Variants in BRSK2 observed in about 807,000 individuals in gnomAD.
BRSK2 encodes BR serine/threonine kinase 2, also known as serine/threonine-protein kinase BRSK2.
BRSK2 carries 19 observed loss-of-function variants against 83.3 expected under a neutral mutation model. The observed-to-expected ratio is 0.23, with a 90% CI of 0.16 to 0.33. The LOEUF (loss-of-function observed/expected upper bound fraction) is 0.33. BRSK2 is among the 10% of genes least tolerant of loss of function. The probability of loss-of-function intolerance (pLI) is 1.00; values close to 1 mark genes in which losing one functional copy is unlikely to be tolerated. For missense variants in BRSK2, 798 were observed against 1,042.3 expected (o/e 0.77, Z 3.23); for synonymous variants, 519 against 435.4 (o/e 1.19, Z -2.39).
At chr11:1,457,168 C>T (rs1040932051) in intron 18 of BRSK2, 4 of 924,144 alleles carry the variant, frequency 4.3e-6, no homozygotes, top group Non-Finnish European at 6.3e-6. Context: ...CTGGACAGGC[C>T]AAGCATGCCC....
intron 1 of BRSK2, among the ~76,000 whole-genome samples, chr11:1,403,601 C>T (rs1046065016): frequency 6.6e-6 from 1 of 152,220 alleles, no homozygotes; most frequent in Admixed American, 6.5e-5. Context: ...TGATACCCCA[C>T]CTCTGACGGT....
At chr11:1,434,834 G>C (rs942171454) in intron 1 of BRSK2, among the ~76,000 whole-genome samples, 44 of 152,274 alleles carry the variant, frequency 2.9e-4, no homozygotes, top group African/African-American at 1.0e-3. Flanking sequence ...TGCGCCTGAG[G>C]ACCTTTGATG....
intron 12 of BRSK2, among the ~76,000 whole-genome samples, chr11:1,447,130 C>A (rs1207688438): frequency 6.6e-6 from 1 of 152,098 alleles, no homozygotes; most frequent in Non-Finnish European, 1.5e-5. Flanking sequence ...CCCCCAGAAC[C>A]TCCTTCCCAG....
chr11:1,427,633 C>T (rs1269752333), intron 1 of BRSK2, among the ~76,000 whole-genome samples: 1 of 152,258 alleles, frequency 6.6e-6, no homozygotes, highest in Non-Finnish European at 1.5e-5. Context: ...GCACCGCCTG[C>T]CCCCTCAGGG....
intron 12 of BRSK2, among the ~76,000 whole-genome samples, chr11:1,449,157 C>T (rs892279353): frequency 1.2e-4 from 18 of 152,164 alleles, no homozygotes; most frequent in Non-Finnish European, 2.2e-4. Context: ...CCGGGCACGC[C>T]GGGCCAGGGC....
Position 1,445,013 on chromosome 11 carries a change from T to C in BRSK2, c.812+11T>C. ...ACACATATGGTATATGTAAGTAGCT[T>C]TTCCACCCACTAATCGCCTGCTTTG... On this transcript the variant is annotated intron_variant, in intron 9 of 19. Coordinates refer to ENST00000528841, the MANE Select transcript of BRSK2 (RefSeq NM_001256627.2). The C allele has an allele frequency of 6.2e-7, 1 of 1,611,950 alleles. No homozygotes were observed. The highest frequency in any genetic ancestry group is 8.5e-7 in the Non-Finnish European group (1 of 1,178,170).
chr11:1,400,852 G>C (rs1846427132), intron 1 of BRSK2, among the ~76,000 whole-genome samples: 1 of 152,246 alleles, frequency 6.6e-6, no homozygotes, highest in Admixed American at 6.5e-5. Context: ...GTCTAGCCAT[G>C]GCCCTCCCCA....
chr11:1,456,572 A>T, intron 17 of BRSK2, 26 bp from the exon 18 acceptor site: 3 of 1,607,916 alleles, frequency 1.9e-6, no homozygotes, highest in Non-Finnish European at 2.5e-6. Context: ...AGGCCCGTCC[A>T]GGGCATAACC....
At chr11:1,459,377 C>G in intron 19 of BRSK2, 138 bp downstream of exon 19, 1 of 943,232 alleles carries the variant, frequency 1.1e-6, no homozygotes, top group Non-Finnish European at 1.7e-6. Flanking sequence ...CCCAGATGTC[C>G]CCGGCCCCAT....
In BRSK2 at chr11:1,461,184, C is replaced by G. The variant is rs1847458281; in HGVS notation, c.*461C>G. The G allele has an allele frequency of 1.3e-6, 1 of 790,850 alleles. No homozygotes were observed. The highest frequency in any genetic ancestry group is 1.9e-6 in the Non-Finnish European group (1 of 520,602). The allele number at this position is 790,850 out of a possible 1,614,324, so 49.0% of individuals were successfully genotyped here. On this transcript the variant is annotated 3_prime_UTR_variant, in exon 20 of 20. Transcript: ENST00000528841. ...CTCGGGGGAGCCTCCTCCAGCCCGG[C>G]CGACCCGGACTCCCGGTCACCTGAC...
At chr11:1,426,921 C>T (rs531046781) in intron 1 of BRSK2, among the ~76,000 whole-genome samples, 35 of 152,238 alleles carry the variant, frequency 2.3e-4, no homozygotes, top group African/African-American at 6.7e-4. Flanking sequence ...GGTCTGCATG[C>T]GGGAGATGGG....
In BRSK2 at chr11:1,423,807, TG is replaced by T. The variant is rs760580665; in HGVS notation, c.92-12230del. Among the ~76,000 whole-genome samples the T allele has an allele frequency of 1.3e-5, 2 of 150,614 alleles. No homozygotes were observed. The highest frequency in any genetic ancestry group is 6.6e-5 in the Admixed American group (1 of 15,114). On this transcript the variant is annotated intron_variant, in intron 1 of 19. Transcript: ENST00000528841. The surrounding 1 kb of genome is among the most constrained non-coding windows in gnomAD (Gnocchi z 6.5). Reference sequence around the variant, plus strand: ...TCCGGGTGCCCCAGGCCTCCCCCGCTGGGCGTTCCGGGTGCCCCAGGCCTCC... The same window carrying T: ...TCCGGGTGCCCCAGGCCTCCCCCGCTGGCGTTCCGGGTGCCCCAGGCCTCC...
intron 1 of BRSK2, among the ~76,000 whole-genome samples, chr11:1,391,562 T>C (rs1271782642): frequency 6.6e-6 from 1 of 152,076 alleles, no homozygotes; most frequent in African/African-American, 2.4e-5. Flanking sequence ...TCACCTTGGG[T>C]GCACAGCCTT....
chr11:1,459,474 G>A (rs926311436), intron 19 of BRSK2: 9 of 567,760 alleles, frequency 1.6e-5, no homozygotes, highest in Admixed American at 1.5e-4. Flanking sequence ...CCAGGCCCTA[G>A]GATCAGGGCA....
intron 1 of BRSK2, among the ~76,000 whole-genome samples, chr11:1,426,668 C>T (rs1474312164): frequency 1.3e-5 from 2 of 152,278 alleles, no homozygotes; most frequent in South Asian, 2.1e-4. Flanking sequence ...GTGTGACTCT[C>T]ACCTGTGAGG....
chr11:1,441,958 C>A (rs71454092), intron 4 of BRSK2, among the ~76,000 whole-genome samples: 2 of 57,700 alleles, frequency 3.5e-5, no homozygotes, highest in Non-Finnish European at 7.5e-5. Context: ...TGCACCGTCC[C>A]CCCCATTAGC....
chr11:1,391,502 C>T (rs945085012), intron 1 of BRSK2, among the ~76,000 whole-genome samples: 1 of 152,134 alleles, frequency 6.6e-6, no homozygotes, highest in African/African-American at 2.4e-5. Context: ...GATGTAACTA[C>T]GGCAGAGCTG....
At chr11:1,411,979 G>A (rs1385315863) in intron 1 of BRSK2, among the ~76,000 whole-genome samples, 2 of 151,742 alleles carry the variant, frequency 1.3e-5, no homozygotes, top group East Asian at 3.9e-4. Flanking sequence ...TGGAGTCTCA[G>A]CTGCGCCGCC....
At chr11:1,406,816 C>T (rs1381641214) in intron 1 of BRSK2, among the ~76,000 whole-genome samples, 1 of 152,126 alleles carries the variant, frequency 6.6e-6, no homozygotes, top group African/African-American at 2.4e-5. Flanking sequence ...AAAGAGGAGC[C>T]CAGGCATCTG....
Sources: gnomAD v4.1 joint callset for allele counts (sites outside exome capture counted in the v4.1 genomes callset) on GRCh38, gnomAD v4.1.1 for gene constraint, Gnocchi (gnomAD v3.1) non-coding constraint, MANE v1.5 for transcripts, NCBI Gene and HGNC (gene_info 2026-07-23, HGNC 2026-07-21) for gene names.